PTPRN2: variants seen among roughly 807,000 people sequenced by gnomAD.
PTPRN2 encodes the protein receptor-type tyrosine-protein phosphatase N2.
In PTPRN2, 74 loss-of-function variants were observed where a neutral mutation model predicts 118.8. That is an observed-to-expected ratio of 0.62 (90% CI 0.52 to 0.76). PTPRN2 has a LOEUF of 0.76. Ranked by LOEUF, PTPRN2 falls within the 30% of genes least tolerant of loss-of-function variation. The pLI is 0.00. For missense variants in PTPRN2, 1,481 were observed against 1,394.4 expected (o/e 1.06, Z -0.99); for synonymous variants, 641 against 608.0 (o/e 1.05, Z -0.80).
intron 2 of PTPRN2, among the ~76,000 whole-genome samples, chr7:158,371,989 G>A (rs62480519): frequency 1.3e-5 from 2 of 152,202 alleles, no homozygotes; most frequent in East Asian, 1.9e-4. Context: ...TGTGAGTCAC[G>A]CCACAGACAC....
At chr7:157,982,415 A>G (rs112459969) in intron 11 of PTPRN2, among the ~76,000 whole-genome samples, 3,011 of 101,076 alleles carry the variant, frequency 0.03, 107 homozygotes, top group East Asian at 0.14. Flanking sequence ...CCTAAACCCC[A>G]AGTCAAAGAG....
rs966102050 is a variant in PTPRN2, at chr7:157,578,105, C to T, written c.2532G>A (p.Met844Ile). 2.5e-6 allele frequency: 4 copies of T among 1,613,142 alleles called. No homozygotes were observed. The highest frequency in any genetic ancestry group is 3.4e-6 in the Non-Finnish European group (4 of 1,179,658). ...CGCCGTTCTCCGCGAGGGGTGTCAG[C>T]ATGACGATCACCACGCAGCCGCTCT... ...VWESGCVVIV[M>I]LTPLAENGVR... Residue 844 changes from methionine to isoleucine, a missense_variant, in exon 18 of 23, where the codon ATG (methionine) becomes ATA (isoleucine). Physicochemically the swap from Met to Ile is conservative, Grantham distance 10. Coordinates refer to ENST00000389418, the MANE Select transcript of PTPRN2 (RefSeq NM_002847.5).
chr7:157,963,067 A>C (rs1429494189), intron 11 of PTPRN2, among the ~76,000 whole-genome samples: 3 of 152,206 alleles, frequency 2.0e-5, no homozygotes, highest in Non-Finnish European at 4.4e-5. Flanking sequence ...CACGGCAGAC[A>C]CTCAGCCAGC....
chr7:157,746,638 A>G (rs1800962039), intron 12 of PTPRN2, among the ~76,000 whole-genome samples: 1 of 151,568 alleles, frequency 6.6e-6, no homozygotes, highest in African/African-American at 2.4e-5. Flanking sequence ...CATAGAGATC[A>G]CGGGCCTCTA....
chr7:158,573,478 G>C (rs1166976547), intron 1 of PTPRN2, among the ~76,000 whole-genome samples: 1 of 152,168 alleles, frequency 6.6e-6, no homozygotes, highest in East Asian at 1.9e-4. Flanking sequence ...GTCTGGAGGA[G>C]TGACCACTTC....
chr7:157,789,938 T>C (rs1804340043), intron 12 of PTPRN2, among the ~76,000 whole-genome samples: 1 of 149,606 alleles, frequency 6.7e-6, no homozygotes, highest in Non-Finnish European at 1.5e-5. Context: ...GTGTGTATGG[T>C]ATGTGGTGTG....
chr7:157,798,821 G>GT (rs1187447026), intron 12 of PTPRN2, among the ~76,000 whole-genome samples: 3 of 152,026 alleles, frequency 2.0e-5, no homozygotes, highest in Non-Finnish European at 4.4e-5. Flanking sequence ...TGCTGGTGCT[G>GT]TGGGGTGGGG....
At chr7:157,702,840 C>T (rs528127292) in intron 12 of PTPRN2, among the ~76,000 whole-genome samples, 6 of 152,316 alleles carry the variant, frequency 3.9e-5, no homozygotes, top group East Asian at 1.9e-4. Context: ...CCTCTGGCCC[C>T]GCGTCCCTCA....
rs1405521340 is a variant in PTPRN2 at position 157,603,624 on chromosome 7, T to A, written c.2418+378A>T. Among the ~76,000 whole-genome samples the A allele has an allele frequency of 6.6e-6, 1 of 152,188 alleles. No homozygotes were observed. The highest frequency in any genetic ancestry group is 2.4e-5 in the African/African-American group (1 of 41,450). ...ACTGATTGTTACAAAAAGCGTAGAC[T>A]GAGGCCTCATGTCCCCATGCCCCAT... On this transcript the variant is annotated intron_variant, in intron 16 of 22. Coordinates refer to ENST00000389418, the MANE Select transcript of PTPRN2 (RefSeq NM_002847.5). This position sits in a 1 kb window ranked among gnomAD's most constrained non-coding sequence, Gnocchi z 5.4.
intron 1 of PTPRN2, among the ~76,000 whole-genome samples, chr7:158,491,100 G>T (rs1821411239): frequency 6.6e-6 from 1 of 152,224 alleles, no homozygotes; most frequent in South Asian, 2.1e-4. Context: ...CCCTTACAGA[G>T]GAAGCCCTTG....
chr7:158,158,034 G>A (rs1471957266), intron 6 of PTPRN2, among the ~76,000 whole-genome samples: 3 of 152,120 alleles, frequency 2.0e-5, no homozygotes, highest in Non-Finnish European at 4.4e-5. Flanking sequence ...CTGTGTGCCA[G>A]TGATTAGGTG....
chr7:158,128,120 T>A (rs1180563116), intron 9 of PTPRN2, among the ~76,000 whole-genome samples: 1 of 151,962 alleles, frequency 6.6e-6, no homozygotes, highest in Non-Finnish European at 1.5e-5. Flanking sequence ...TGTACAAAAG[T>A]CCCCCTTTTT....
intron 3 of PTPRN2, among the ~76,000 whole-genome samples, chr7:158,279,776 GC>G (rs1799287395): frequency 6.6e-6 from 1 of 152,220 alleles, no homozygotes; most frequent in African/African-American, 2.4e-5. Context: ...CCAGAGAGGG[GC>G]CCCCACAGTG....
intron 13 of PTPRN2, among the ~76,000 whole-genome samples, chr7:157,679,715 CTG>C (rs1387168506): frequency 3.3e-5 from 5 of 151,680 alleles, no homozygotes; most frequent in African/African-American, 1.2e-4. Flanking sequence ...GGGGTCGGGG[CTG>C]GGGGGTTCTG....
Position 157,965,437 on chromosome 7 carries a change from A to G in PTPRN2, c.1724-66700T>C, listed in dbSNP as rs77896187. Among the ~76,000 whole-genome samples the G allele has an allele frequency of 7.7e-3, 1,176 of 152,236 alleles. 16 individuals are homozygous for G. Among genetic ancestry groups the G allele is most frequent in the African/African-American group, 0.027 (1,107 of 41,534 alleles). On this transcript the variant is annotated intron_variant, in intron 11 of 22. Transcript: ENST00000389418. The stretch of plus-strand genomic sequence containing the variant: ...ACCATCGAGAGACTGAGCCTTCCCA[A>G]CACCATTTGGCATTCCCAGCTTACA...
At chr7:158,531,474 G>A (rs1159838628) in intron 1 of PTPRN2, among the ~76,000 whole-genome samples, 2 of 152,228 alleles carry the variant, frequency 1.3e-5, no homozygotes, top group African/African-American at 4.8e-5. Context: ...CTGAGAGAAC[G>A]ACCCAGGGCT....
chr7:158,257,555 T>C (rs1797110876), intron 3 of PTPRN2, among the ~76,000 whole-genome samples: 1 of 152,216 alleles, frequency 6.6e-6, no homozygotes, highest in South Asian at 2.1e-4. Context: ...ATAAGAGGAC[T>C]GTGGTGCTGG....
chr7:158,265,587 C>T (rs142427121), intron 3 of PTPRN2, among the ~76,000 whole-genome samples: 6 of 152,352 alleles, frequency 3.9e-5, no homozygotes, highest in African/African-American at 1.4e-4. Flanking sequence ...TGGTCCCAGA[C>T]TCTGGGTGAA....
chr7:157,811,910 A>G (rs893898302), intron 12 of PTPRN2, among the ~76,000 whole-genome samples: 1 of 152,116 alleles, frequency 6.6e-6, no homozygotes, highest in Non-Finnish European at 1.5e-5. Context: ...TGTATCCCCA[A>G]TGCTGAATGA....
Sources: gnomAD v4.1 joint callset for allele counts (sites outside exome capture counted in the v4.1 genomes callset) on GRCh38, gnomAD v4.1.1 for gene constraint, Gnocchi (gnomAD v3.1) non-coding constraint, MANE v1.5 for transcripts, NCBI Gene and HGNC (gene_info 2026-07-23, HGNC 2026-07-21) for gene names.